Variants in LOC728743 observed in about 807,000 individuals in gnomAD.
chr7:150,409,886 T>C, the LOC728743 span, among the ~76,000 whole-genome samples: 1 of 152,158 alleles, frequency 6.6e-6, no homozygotes, highest in Non-Finnish European at 1.5e-5. Flanking sequence ...TCCCAGGTGC[T>C]GTAGACTAGC....
the LOC728743 span, among the ~76,000 whole-genome samples, chr7:150,409,235 CTG>C: frequency 0.024 from 3,614 of 151,542 alleles, 140 homozygotes; most frequent in African/African-American, 0.083. Context: ...GGTGGGGACA[CTG>C]AGATTTTTAA....
At chr7:150,407,607 T>G in the LOC728743 span, 1 of 398,592 alleles carries the variant, frequency 2.5e-6, no homozygotes, top group Non-Finnish European at 4.4e-6. Flanking sequence ...CAGCTGGAAG[T>G]GCCCATGACC....
chr7:150,402,257 A>G, the LOC728743 span, among the ~76,000 whole-genome samples: 1 of 152,252 alleles, frequency 6.6e-6, no homozygotes, highest in Non-Finnish European at 1.5e-5. Flanking sequence ...TTGATGTCAT[A>G]GGTCACATCC....
chr7:150,402,319 T>C, the LOC728743 span, among the ~76,000 whole-genome samples: 1 of 152,210 alleles, frequency 6.6e-6, no homozygotes, highest in Non-Finnish European at 1.5e-5. Context: ...GGCCTCACGC[T>C]GAGCCTCACA....
the LOC728743 span, among the ~76,000 whole-genome samples, chr7:150,409,132 T>G: frequency 1.6e-4 from 8 of 49,492 alleles, no homozygotes; most frequent in South Asian, 1.7e-3. Context: ...TGTAGAAGGG[T>G]GTTTTCAAGG....
the LOC728743 span, among the ~76,000 whole-genome samples, chr7:150,402,194 G>A: frequency 6.6e-6 from 1 of 152,222 alleles, no homozygotes; most frequent in African/African-American, 2.4e-5. Flanking sequence ...CCCACATAAA[G>A]AATTAACCAT....
At chr7:150,407,556 A>ACCCCCG in the LOC728743 span, 2 of 397,532 alleles carry the variant, frequency 5.0e-6, no homozygotes, top group African/African-American at 2.1e-5. Context: ...TCCACCCCCC[A>ACCCCCG]CCCCCGCCCC....
At chr7:150,408,027 T>G in the LOC728743 span, 1 of 397,068 alleles carries the variant, frequency 2.5e-6, no homozygotes, top group Non-Finnish European at 4.4e-6. Context: ...CCGCGCTTCC[T>G]GCTCAACCAC....
the LOC728743 span, chr7:150,412,151 G>T: frequency 6.6e-6 from 1 of 152,330 alleles, no homozygotes; most frequent in Admixed American, 6.5e-5. Context: ...CTAACTCTCA[G>T]GAAACACTTG....
At chr7:150,407,796 C>T in the LOC728743 span, 3 of 403,576 alleles carry the variant, frequency 7.4e-6, no homozygotes, top group African/African-American at 4.1e-5. Context: ...CACGCCGGAG[C>T]GGGCCGCGCG....
chr7:150,407,277 A>T, the LOC728743 span, among the ~76,000 whole-genome samples: 16 of 152,222 alleles, frequency 1.1e-4, no homozygotes, highest in African/African-American at 3.4e-4. Context: ...CTCGTGCAGT[A>T]TGATCAGTGA....
chr7:150,411,342 C>G, the LOC728743 span: 3 of 152,588 alleles, frequency 2.0e-5, no homozygotes, highest in Non-Finnish European at 2.9e-5. Flanking sequence ...CTCCTGGTGC[C>G]TGTGGCTCTG....
chr7:150,405,391 C>T, the LOC728743 span: 1 of 152,186 alleles, frequency 6.6e-6, no homozygotes, highest in Non-Finnish European at 1.5e-5. Context: ...GCCGGACCCT[C>T]GGGGGCGGGT....
the LOC728743 span, chr7:150,405,739 C>G: frequency 1.3e-5 from 2 of 152,036 alleles, no homozygotes; most frequent in Non-Finnish European, 2.9e-5. Context: ...ATTAATGCAG[C>G]TATTTGATAA....
chr7:150,404,095 C>T, the LOC728743 span, among the ~76,000 whole-genome samples: 1 of 152,252 alleles, frequency 6.6e-6, no homozygotes, highest in Non-Finnish European at 1.5e-5. Flanking sequence ...ACCACCACAT[C>T]CATTGTCTGC....
chr7:150,408,112 C>T, the LOC728743 span: 25 of 381,954 alleles, frequency 6.5e-5, no homozygotes, highest in Non-Finnish European at 1.1e-4. Context: ...GGCCCTACTT[C>T]TGCCCCCGCT....
chr7:150,407,906 C>T, the LOC728743 span: 1 of 417,102 alleles, frequency 2.4e-6, no homozygotes, highest in Non-Finnish European at 4.3e-6. Flanking sequence ...CTTCCCCTGC[C>T]CCGAGTGCGG....
At chr7:150,403,355 C>T in the LOC728743 span, among the ~76,000 whole-genome samples, 2 of 152,198 alleles carry the variant, frequency 1.3e-5, no homozygotes, top group Non-Finnish European at 2.9e-5. This position sits in a 1 kb window ranked among gnomAD's most constrained non-coding sequence, Gnocchi z 5.1. Flanking sequence ...CTGTGTCCAC[C>T]CCCATCCCCT....
the LOC728743 span, chr7:150,408,386 C>G: frequency 5.5e-6 from 2 of 361,576 alleles, no homozygotes; most frequent in Non-Finnish European, 9.9e-6. Context: ...AGGCTCCGGC[C>G]GCCCGCTCGC....
Sources: allele counts gnomAD v4.1 joint callset (sites outside exome capture counted in the v4.1 genomes callset), GRCh38; gene constraint gnomAD v4.1.1; non-coding constraint Gnocchi (gnomAD v3.1); transcripts MANE v1.5.